Variants in MROH2B observed in about 807,000 individuals in gnomAD.
MROH2B encodes the protein maestro heat-like repeat-containing protein family member 2B.
In MROH2B, 177 loss-of-function variants were observed where a neutral mutation model predicts 208.6. The observed-to-expected ratio is 0.85, with a 90% CI of 0.75 to 0.96. The LOEUF (loss-of-function observed/expected upper bound fraction) is 0.96. Ranked by LOEUF, MROH2B falls within the 40% of genes least tolerant of loss-of-function variation. The probability of loss-of-function intolerance (pLI) is 0.00; values close to 1 mark genes in which losing one functional copy is unlikely to be tolerated. For synonymous variants in MROH2B, 728 were observed against 659.0 expected, an observed-to-expected ratio of 1.10 and a Z score of -1.60; for missense variants, 2,002 against 1,878.7, an observed-to-expected ratio of 1.07 and a Z score of -1.21.
chr5:41,050,349 T>A (rs1016517491), intron 13 of MROH2B, among the ~76,000 whole-genome samples: 5 of 152,206 alleles, frequency 3.3e-5, no homozygotes, highest in African/African-American at 1.2e-4. Flanking sequence ...TTAGTATGTA[T>A]CAGAAATATT....
intron 1 of MROH2B, among the ~76,000 whole-genome samples, chr5:41,070,185 A>G (rs1181848646): frequency 2.0e-5 from 3 of 152,038 alleles, no homozygotes; most frequent in Admixed American, 1.3e-4. Context: ...TTCTTTTTCC[A>G]TACCCTTTTC....
intron 6 of MROH2B, among the ~76,000 whole-genome samples, chr5:41,061,264 T>C (rs1743627656): frequency 6.6e-6 from 1 of 152,224 alleles, no homozygotes; most frequent in Admixed American, 6.5e-5. Flanking sequence ...ATCTTATTGA[T>C]TGTTCTTTCC....
intron 34 of MROH2B, among the ~76,000 whole-genome samples, chr5:41,006,841 G>A (rs1329920470): frequency 6.6e-6 from 1 of 152,070 alleles, no homozygotes; most frequent in African/African-American, 2.4e-5. Context: ...GGGGGAAAGG[G>A]CAGGAATGAG....
chr5:41,009,274 A>G lies in MROH2B; in HGVS notation c.3420+6T>C. On this transcript the variant is annotated splice_donor_region_variant and intron_variant, in intron 32 of 41. Transcript: ENST00000399564. ...GCAAGTGATGGGTTCAGGCTGTCCA[A>G]CTCACTGAAATTGCCTCAACCCTGG... The G allele has an allele frequency of 1.2e-6, 2 of 1,613,738 alleles. No individual in the cohort carries two copies. The highest frequency in any genetic ancestry group is 3.3e-4 in the Middle Eastern group (2 of 6,008).
At chr5:41,002,388 G>A (rs1199068971) in intron 37 of MROH2B, among the ~76,000 whole-genome samples, 1 of 152,196 alleles carries the variant, frequency 6.6e-6, no homozygotes, top group Non-Finnish European at 1.5e-5. Context: ...GGGAATAGTA[G>A]CAAGAAGGGA....
At chr5:41,013,215 A>C (rs888645725) in intron 29 of MROH2B, among the ~76,000 whole-genome samples, 3 of 152,198 alleles carry the variant, frequency 2.0e-5, no homozygotes, top group African/African-American at 7.2e-5. Context: ...GTACATATGG[A>C]GTATGGATTA....
chr5:41,067,180 A>G lies in MROH2B; in HGVS notation c.129T>C (p.Asn43=), dbSNP rs1310079683. The G allele has an allele frequency of 1.9e-6, 3 of 1,554,942 alleles. No homozygotes were observed. The Admixed American group carries it at 5.8e-5, about 30-fold the overall frequency. The change falls in exon 3 of 42, where the codon AAT becomes AAC. Residue 43 remains asparagine (N), a synonymous_variant. Transcript: ENST00000399564. ...IYSHLTSVIQ[N]TDILDDAIVQ... ...CAATTGCATCATCCAAGATGTCAGT[A>G]TTCTGAATAACAGAAGTGAGATGAC...
intron 18 of MROH2B, among the ~76,000 whole-genome samples, chr5:41,042,613 TG>T (rs1370535847): frequency 6.6e-6 from 1 of 152,192 alleles, no homozygotes; most frequent in Admixed American, 6.5e-5. Context: ...TGTTTTGTTT[TG>T]TTTTTTTAAG....
At chr5:41,047,305 T>C (rs1300186903) in intron 17 of MROH2B, among the ~76,000 whole-genome samples, 1 of 152,108 alleles carries the variant, frequency 6.6e-6, no homozygotes, top group East Asian at 1.9e-4. Context: ...TTTTGGATAT[T>C]AGGAAAAAGA....
chr5:41,038,499 T>C (rs190017937), intron 21 of MROH2B, among the ~76,000 whole-genome samples: 2 of 152,350 alleles, frequency 1.3e-5, no homozygotes, highest in East Asian at 3.9e-4. Context: ...ATCTTTCTTT[T>C]GGCCTGTGTC....
At chr5:41,057,935 CAA>C in intron 7 of MROH2B, 126 bp downstream of exon 7, 2 of 822,092 alleles carry the variant, frequency 2.4e-6, no homozygotes, top group Non-Finnish European at 3.4e-6. Flanking sequence ...TCATATTCCT[CAA>C]GAGATATTGA....
intron 7 of MROH2B, among the ~76,000 whole-genome samples, chr5:41,057,817 G>A (rs13160583): frequency 4.6e-5 from 7 of 151,344 alleles, no homozygotes; most frequent in Non-Finnish European, 1.0e-4. Context: ...CCTCGGCCTC[G>A]CAAAGTGCTG....
chr5:40,998,793 G>A (rs1741293023), intron 40 of MROH2B, 116 bp from the exon 41 acceptor site: 1 of 799,986 alleles, frequency 1.3e-6, no homozygotes, highest in Admixed American at 2.3e-5. Flanking sequence ...TGGTGAATGA[G>A]CAAACTATAT....
intron 9 of MROH2B, 22 bp downstream of exon 9, chr5:41,057,087 G>T (rs776610356): frequency 6.2e-7 from 1 of 1,612,868 alleles, no homozygotes; most frequent in African/African-American, 1.3e-5. Context: ...TTTATTAAAA[G>T]CCTTCTGGAT....
chr5:41,012,217 AACTCCTGCCCTTG>A (rs1347981310), intron 30 of MROH2B, among the ~76,000 whole-genome samples: 1 of 151,980 alleles, frequency 6.6e-6, no homozygotes, highest in Non-Finnish European at 1.5e-5. Context: ...TGAAATTAGA[AACTCCTGCCCTTG>A]ACTCCTGCCC....
intron 5 of MROH2B, among the ~76,000 whole-genome samples, chr5:41,064,217 T>G (rs959660904): frequency 2.0e-5 from 3 of 152,138 alleles, no homozygotes; most frequent in African/African-American, 7.2e-5. Flanking sequence ...TTGGGAAAAT[T>G]CTTTACTTTC....
intron 28 of MROH2B, among the ~76,000 whole-genome samples, chr5:41,016,215 AT>A (rs1252758215): frequency 1.5e-5 from 2 of 131,292 alleles, no homozygotes; most frequent in Non-Finnish European, 3.4e-5. Flanking sequence ...ATGAGTATCG[AT>A]GGGTATTTAA....
At chr5:41,005,425 C>CTTGCT in intron 35 of MROH2B, 106 bp downstream of exon 35, 1 of 215,380 alleles carries the variant, frequency 4.6e-6, no homozygotes, top group Non-Finnish European at 9.3e-6. Flanking sequence ...CCCCCCCCCC[C>CTTGCT]TTGAAGTCTC....
chr5:41,010,785 T>C (rs1234347551), intron 30 of MROH2B, among the ~76,000 whole-genome samples: 1 of 152,026 alleles, frequency 6.6e-6, no homozygotes, highest in Non-Finnish European at 1.5e-5. Context: ...GGACTTTGGG[T>C]GATAGCGATG....
Sources: gnomAD v4.1 joint callset for allele counts (sites outside exome capture counted in the v4.1 genomes callset) on GRCh38, gnomAD v4.1.1 for gene constraint, MANE v1.5 for transcripts, NCBI Gene and HGNC (gene_info 2026-07-23, HGNC 2026-07-21) for gene names.